Variants in ELMO1 observed in about 807,000 individuals in gnomAD.
ELMO1 encodes engulfment and cell motility 1, also known as engulfment and cell motility protein 1.
A neutral mutation model predicts 98.9 loss-of-function variants in ELMO1; 26 were observed. The observed-to-expected ratio is 0.26, with a 90% CI of 0.19 to 0.36. ELMO1 has a LOEUF of 0.36. Among genes scored for constraint, ELMO1 ranks in the 10% least tolerant of loss-of-function variants. The probability of loss-of-function intolerance (pLI) is 1.00; values close to 1 mark genes in which losing one functional copy is unlikely to be tolerated. For missense variants in ELMO1, 627 were observed against 935.2 expected (o/e 0.67, Z 4.30); for synonymous variants, 346 against 346.0 (o/e 1.00, Z 0.00).
In ELMO1 at chr7:37,342,825, G is replaced by T; in HGVS notation, c.-73-62C>A. ...TCAGTGCAGATGCAGGGTGAATTTT[G>T]CTTCATCACTTCCTGTTTTCACTGG... On this transcript the variant is annotated intron_variant, in intron 1 of 21. Transcript: ENST00000310758. This position sits in a 1 kb window ranked among gnomAD's most constrained non-coding sequence, Gnocchi z 4.3. The T allele has an allele frequency of 2.5e-6, 2 of 787,454 alleles. No individual in the cohort carries two copies. The highest frequency in any genetic ancestry group is 2.0e-6 in the Non-Finnish European group (1 of 502,836). The allele number at this position is 787,454 out of a possible 1,614,324, so 48.8% of individuals were successfully genotyped here.
intron 20 of ELMO1, among the ~76,000 whole-genome samples, chr7:36,863,820 CT>C (rs993266737): frequency 6.6e-6 from 1 of 151,988 alleles, no homozygotes; most frequent in South Asian, 2.1e-4. Context: ...CTTCTTACAA[CT>C]TTTTTTTCAA....
chr7:37,229,738 C>T (rs959416366), intron 8 of ELMO1, among the ~76,000 whole-genome samples: 3 of 152,152 alleles, frequency 2.0e-5, no homozygotes, highest in Non-Finnish European at 4.4e-5. Context: ...TTTCTGATGA[C>T]TATTTTTTCA....
chr7:36,873,875 C>A (rs1432351366), intron 19 of ELMO1, among the ~76,000 whole-genome samples: 1 of 152,218 alleles, frequency 6.6e-6, no homozygotes, highest in African/African-American at 2.4e-5. Context: ...CAGTGAGATC[C>A]AAGTTCAGGC....
At chr7:37,317,043 T>G (rs1248372414) in intron 2 of ELMO1, among the ~76,000 whole-genome samples, 1 of 152,100 alleles carries the variant, frequency 6.6e-6, no homozygotes, top group East Asian at 1.9e-4. Flanking sequence ...CTCAGGCTGT[T>G]ATAAAAATTA....
chr7:37,024,907 T>C (rs1433953416), intron 15 of ELMO1, among the ~76,000 whole-genome samples: 1 of 152,210 alleles, frequency 6.6e-6, no homozygotes, highest in African/African-American at 2.4e-5. Context: ...TAGAAAGTTA[T>C]AGAGCAGCAT....
chr7:37,315,392 C>T (rs572734973), intron 3 of ELMO1, among the ~76,000 whole-genome samples: 1 of 152,272 alleles, frequency 6.6e-6, no homozygotes, highest in South Asian at 2.1e-4. Flanking sequence ...TTTCAGTTAA[C>T]ACAACTATTT....
At chr7:37,010,692 G>T (rs1055043039) in intron 16 of ELMO1, among the ~76,000 whole-genome samples, 10 of 152,214 alleles carry the variant, frequency 6.6e-5, no homozygotes, top group African/African-American at 1.7e-4. Flanking sequence ...TTGTCCTAGT[G>T]AAATCCATTG....
At chr7:37,294,999 C>CAA (rs58126730) in intron 4 of ELMO1, among the ~76,000 whole-genome samples, 2 of 129,622 alleles carry the variant, frequency 1.5e-5, no homozygotes, top group African/African-American at 6.1e-5. Context: ...AACTCCGCCT[C>CAA]AAAAAAAAAA....
chr7:37,352,886 T>G (rs1801334990), intron 1 of ELMO1: 1 of 152,210 alleles, frequency 6.6e-6, no homozygotes, highest in Admixed American at 6.5e-5. Flanking sequence ...AAATCTGTGG[T>G]GACTTGGGAC....
intron 15 of ELMO1, among the ~76,000 whole-genome samples, chr7:37,052,378 G>T (rs927550603): frequency 6.6e-5 from 10 of 152,188 alleles, no homozygotes; most frequent in Non-Finnish European, 1.5e-4. Context: ...CAAGAACAGT[G>T]CTTTGTATGT....
chr7:37,219,797 C>T (rs1047989429), intron 10 of ELMO1, among the ~76,000 whole-genome samples: 1 of 152,186 alleles, frequency 6.6e-6, no homozygotes, highest in African/African-American at 2.4e-5. Flanking sequence ...AATAATGTGG[C>T]TTTCTCTGAA....
chr7:37,024,608 A>G (rs1044445115), intron 15 of ELMO1, among the ~76,000 whole-genome samples: 1 of 152,162 alleles, frequency 6.6e-6, no homozygotes, highest in Non-Finnish European at 1.5e-5. Context: ...TCTGCCACTT[A>G]ACTGTGTGAT....
intron 13 of ELMO1, among the ~76,000 whole-genome samples, chr7:37,167,870 A>C (rs1409116515): frequency 5.3e-5 from 8 of 151,380 alleles, no homozygotes. Flanking sequence ...TATTTCCTGA[A>C]TCTGAATGTT....
chr7:37,435,851 T>C (rs1425914155), intron 1 of ELMO1, among the ~76,000 whole-genome samples: 1 of 152,210 alleles, frequency 6.6e-6, no homozygotes, highest in East Asian at 1.9e-4. Flanking sequence ...GCTGGGATAA[T>C]GGTTTGCTGC....
At chr7:37,439,993 G>T (rs1409593605) in intron 1 of ELMO1, among the ~76,000 whole-genome samples, 1 of 152,060 alleles carries the variant, frequency 6.6e-6, no homozygotes, top group Non-Finnish European at 1.5e-5. Context: ...GTGTGTGTGT[G>T]TGTGTGTCTT....
intron 1 of ELMO1, among the ~76,000 whole-genome samples, chr7:37,421,919 A>C (rs771350125): frequency 4.6e-5 from 7 of 152,194 alleles, no homozygotes; most frequent in Non-Finnish European, 8.8e-5. Context: ...AGTGATGGGC[A>C]GTGGTGTTTC....
chr7:37,123,638 A>G (rs913528446), intron 14 of ELMO1, among the ~76,000 whole-genome samples: 1 of 152,204 alleles, frequency 6.6e-6, no homozygotes, highest in African/African-American at 2.4e-5. Flanking sequence ...AATTGAGGCA[A>G]TAATTAATAG....
At chr7:36,885,750 C>T (rs1804929639) in intron 18 of ELMO1, among the ~76,000 whole-genome samples, 1 of 152,170 alleles carries the variant, frequency 6.6e-6, no homozygotes, top group Non-Finnish European at 1.5e-5. Context: ...CTTGAGAGGT[C>T]ATGTGTCCTT....
intron 14 of ELMO1, among the ~76,000 whole-genome samples, chr7:37,120,402 C>T (rs1785924693): frequency 6.6e-6 from 1 of 152,218 alleles, no homozygotes; most frequent in Admixed American, 6.5e-5. Flanking sequence ...CAAACAGCAC[C>T]TGGGAAATTG....
Sources: allele counts gnomAD v4.1 joint callset (sites outside exome capture counted in the v4.1 genomes callset), GRCh38; gene constraint gnomAD v4.1.1; non-coding constraint Gnocchi (gnomAD v3.1); transcripts MANE v1.5; gene names NCBI Gene and HGNC (gene_info 2026-07-23, HGNC 2026-07-21).